Variants in CIROZ observed in about 807,000 individuals in gnomAD.
CIROZ encodes ciliated left-right organizer protein containing ZP-N domains, also known as ciliated left-right organizer ZP-N domains-containing protein.
the CIROZ span, chr1:10,966,589 T>G: frequency 8.0e-7 from 1 of 1,251,408 alleles, no homozygotes. Flanking sequence ...GCCTGGAAGC[T>G]TCTTACCTGG....
the CIROZ span, among the ~76,000 whole-genome samples, chr1:10,975,009 C>T: frequency 2.0e-5 from 3 of 152,102 alleles, no homozygotes; most frequent in Middle Eastern, 3.2e-3. Flanking sequence ...TGGTGGCTCA[C>T]GCCTGTCATC....
At chr1:10,975,095 A>G in the CIROZ span, among the ~76,000 whole-genome samples, 1 of 152,034 alleles carries the variant, frequency 6.6e-6, no homozygotes, top group Admixed American at 6.6e-5. Context: ...AACATGATGA[A>G]ACCCCGCCTC....
At chr1:10,953,708 A>G in the CIROZ span, among the ~76,000 whole-genome samples, 1 of 152,162 alleles carries the variant, frequency 6.6e-6, no homozygotes, top group Non-Finnish European at 1.5e-5. Context: ...GAGGCTCAAC[A>G]TGGTTAAGTA....
At chr1:10,948,976 A>C in the CIROZ span, 1 of 854,580 alleles carries the variant, frequency 1.2e-6, no homozygotes, top group Non-Finnish European at 1.6e-6. Flanking sequence ...TGTAATCCCA[A>C]CACAATAGGA....
chr1:10,948,550 C>T, the CIROZ span: 1 of 1,614,110 alleles, frequency 6.2e-7, no homozygotes, highest in South Asian at 1.1e-5. Context: ...AGAAGTGATT[C>T]AGGTCGTTCA....
chr1:10,976,099 G>T, the CIROZ span: 1 of 1,445,718 alleles, frequency 6.9e-7, no homozygotes, highest in Non-Finnish European at 9.4e-7. Flanking sequence ...TTCTCAGTCT[G>T]CTCATTGGGG....
chr1:10,947,985 A>AG, the CIROZ span: 1 of 1,613,582 alleles, frequency 6.2e-7, no homozygotes, highest in Admixed American at 1.7e-5. Flanking sequence ...GGGTGTCAGA[A>AG]GAGCTGCTGG....
the CIROZ span, among the ~76,000 whole-genome samples, chr1:10,980,408 C>T: frequency 6.6e-6 from 1 of 152,266 alleles, no homozygotes; most frequent in Non-Finnish European, 1.5e-5. Flanking sequence ...GCCCTGGGCT[C>T]TGCTGCCTGG....
chr1:10,949,619 C>T, the CIROZ span: 12 of 1,598,362 alleles, frequency 7.5e-6, no homozygotes, highest in East Asian at 6.8e-5. Context: ...CAGCCATAGA[C>T]GTGCTTTGGC....
the CIROZ span, among the ~76,000 whole-genome samples, chr1:10,967,281 A>G: frequency 6.7e-6 from 1 of 148,846 alleles, no homozygotes; most frequent in East Asian, 2.0e-4. Context: ...TGCTCCAAAC[A>G]CACCAGACCC....
the CIROZ span, chr1:10,966,614 G>A: frequency 1.9e-6 from 2 of 1,033,978 alleles, no homozygotes; most frequent in South Asian, 4.3e-5. Flanking sequence ...GATAAAAATA[G>A]CAGTAATTTT....
chr1:10,950,151 A>G, the CIROZ span, among the ~76,000 whole-genome samples: 61,267 of 149,954 alleles, frequency 0.41, 15,991 homozygotes, highest in African/African-American at 0.73. Flanking sequence ...TTCTTGCCTC[A>G]GCCTCCCAAG....
chr1:10,947,809 C>T, the CIROZ span: 5 of 1,599,772 alleles, frequency 3.1e-6, no homozygotes, highest in Non-Finnish European at 3.4e-6. Context: ...TATTCAAGCT[C>T]CACCAGGCTG....
At chr1:10,978,697 G>A in the CIROZ span, among the ~76,000 whole-genome samples, 3 of 151,952 alleles carry the variant, frequency 2.0e-5, no homozygotes, top group Non-Finnish European at 4.4e-5. Flanking sequence ...GTAACAAAGC[G>A]AGACCCTGTC....
At chr1:10,966,523 G>A in the CIROZ span, 18 of 1,487,654 alleles carry the variant, frequency 1.2e-5, no homozygotes, top group Non-Finnish European at 1.6e-5. Flanking sequence ...TGAGCCTGTG[G>A]AGGTGGCTTC....
At chr1:10,981,976 C>T in the CIROZ span, 1 of 1,537,068 alleles carries the variant, frequency 6.5e-7, no homozygotes. Context: ...AAGCATGCCA[C>T]TGGCTTCTCC....
chr1:10,979,811 G>T, the CIROZ span, among the ~76,000 whole-genome samples: 1 of 152,246 alleles, frequency 6.6e-6, no homozygotes, highest in African/African-American at 2.4e-5. Context: ...ACTTTGGGAA[G>T]CGGAGGCGGG....
the CIROZ span, among the ~76,000 whole-genome samples, chr1:10,971,272 C>T: frequency 5.3e-5 from 8 of 151,128 alleles, no homozygotes; most frequent in East Asian, 1.4e-3. Flanking sequence ...AGGCAGTGCG[C>T]AATGTCCTGG....
the CIROZ span, chr1:10,969,821 G>A: frequency 8.1e-7 from 1 of 1,237,860 alleles, no homozygotes; most frequent in African/African-American, 1.5e-5. Flanking sequence ...AGAGAGCCTG[G>A]AAGGGCTGTG....
Sources: gnomAD v4.1 joint callset for allele counts (sites outside exome capture counted in the v4.1 genomes callset) on GRCh38, gnomAD v4.1.1 for gene constraint, MANE v1.5 for transcripts, NCBI Gene and HGNC (gene_info 2026-07-23, HGNC 2026-07-21) for gene names.